Variants in PHACTR4 observed in about 807,000 individuals in gnomAD.
PHACTR4 encodes phosphatase and actin regulator 4.
A neutral mutation model predicts 72.7 loss-of-function variants in PHACTR4; 51 were observed. That is an observed-to-expected ratio of 0.70 (90% CI 0.56 to 0.89). The LOEUF is 0.89. Ranked by LOEUF, PHACTR4 falls within the 40% of genes least tolerant of loss-of-function variation. The pLI is 0.00. For synonymous variants in PHACTR4, 255 were observed against 302.5 expected (o/e 0.84, Z 1.63); for missense variants, 731 against 861.8 (o/e 0.85, Z 1.90).
intron 7 of PHACTR4, among the ~76,000 whole-genome samples, chr1:28,474,358 G>C (rs182336594): frequency 4.8e-4 from 73 of 151,772 alleles, no homozygotes; most frequent in African/African-American, 1.6e-3. Context: ...ACCCTGTCTC[G>C]ATGAAAATAA....
At chr1:28,377,928 T>G in intron 1 of PHACTR4, among the ~76,000 whole-genome samples, 1 of 151,716 alleles carries the variant, frequency 6.6e-6, no homozygotes, top group African/African-American at 2.4e-5. Context: ...CCAGATGTGT[T>G]GGCTCACGCC....
intron 1 of PHACTR4, among the ~76,000 whole-genome samples, chr1:28,400,315 G>A (rs1653849147): frequency 6.6e-6 from 1 of 150,814 alleles, no homozygotes; most frequent in South Asian, 2.1e-4. Context: ...GGAGGTTGCA[G>A]TGAGCCAAGA....
At position 28,438,467 on chromosome 1, in the gene PHACTR4, C is replaced by T. The variant is rs1395631419; in HGVS notation, c.17-20618C>T. 11 of 1,608,638 alleles carry T rather than the reference C, an allele frequency of 6.8e-6. No individual in the cohort carries two copies. The Admixed American group carries it at 8.4e-5, about 12-fold the overall frequency. On this transcript the variant is annotated intron_variant, in intron 2 of 13. Transcript: ENST00000373839. ...AAGGCAGAGAAACAGAAAATCTTGA[C>T]AGAAGCAAGGCAGATTTACAGGTGA...
At chr1:28,387,685 G>A (rs140802394) in intron 1 of PHACTR4, among the ~76,000 whole-genome samples, 310 of 152,134 alleles carry the variant, frequency 2.0e-3, no homozygotes, top group African/African-American at 7.0e-3. Context: ...CTAGGAGTTT[G>A]AGACCAGCCT....
At chr1:28,431,503 A>G (rs544973504) in intron 2 of PHACTR4, among the ~76,000 whole-genome samples, 22 of 151,812 alleles carry the variant, frequency 1.4e-4, no homozygotes, top group African/African-American at 4.8e-4. Flanking sequence ...CTACAATACA[A>G]TTTTTATAGT....
intron 4 of PHACTR4, among the ~76,000 whole-genome samples, chr1:28,464,999 C>T (rs934584650): frequency 1.3e-5 from 2 of 152,036 alleles, no homozygotes; most frequent in Admixed American, 6.6e-5. Flanking sequence ...ACACTGCGCC[C>T]GGCTTTTATT....
At chr1:28,418,572 G>A (rs145046923) in intron 2 of PHACTR4, among the ~76,000 whole-genome samples, 13 of 152,152 alleles carry the variant, frequency 8.5e-5, no homozygotes, top group African/African-American at 2.9e-4. Context: ...ATTACATGTA[G>A]ATTAAATCCA....
intron 2 of PHACTR4, among the ~76,000 whole-genome samples, chr1:28,439,811 T>TA (rs1490665605): frequency 6.6e-6 from 1 of 152,198 alleles, no homozygotes; most frequent in Non-Finnish European, 1.5e-5. Flanking sequence ...TTTTGGGCTG[T>TA]AAATTCTCCT....
intron 2 of PHACTR4, among the ~76,000 whole-genome samples, chr1:28,411,164 A>G (rs1654763336): frequency 6.6e-6 from 1 of 151,678 alleles, no homozygotes; most frequent in Non-Finnish European, 1.5e-5. Flanking sequence ...CTCCTGCCTC[A>G]GCCTCCCAAG....
intron 2 of PHACTR4, among the ~76,000 whole-genome samples, chr1:28,423,216 G>C (rs1310900458): frequency 6.6e-6 from 1 of 152,130 alleles, no homozygotes; most frequent in Non-Finnish European, 1.5e-5. Flanking sequence ...AGGCCTTTCT[G>C]GGGCAACATA....
At chr1:28,439,713 A>G (rs1401996200) in intron 2 of PHACTR4, among the ~76,000 whole-genome samples, 2 of 152,184 alleles carry the variant, frequency 1.3e-5, no homozygotes, top group African/African-American at 4.8e-5. Flanking sequence ...ACCTCACACT[A>G]TCCTTCTCTT....
At chr1:28,403,521 A>G (rs1257251014) in intron 1 of PHACTR4, among the ~76,000 whole-genome samples, 3 of 152,190 alleles carry the variant, frequency 2.0e-5, no homozygotes, top group Non-Finnish European at 4.4e-5. Flanking sequence ...CTACCACAGT[A>G]TACCCTTGTG....
At chr1:28,467,023 G>A (rs777370938) in intron 6 of PHACTR4, 1 of 372,170 alleles carries the variant, frequency 2.7e-6, no homozygotes, top group Non-Finnish European at 4.8e-6. Context: ...GACCATCCTG[G>A]CAACATGGTG....
At chr1:28,450,309 A>G (rs1206716626) in intron 2 of PHACTR4, among the ~76,000 whole-genome samples, 1 of 148,676 alleles carries the variant, frequency 6.7e-6, no homozygotes, top group African/African-American at 2.5e-5. Flanking sequence ...TTTTTCACTC[A>G]TAGAAAACAG....
chr1:28,471,719 T>C (rs1175318248), intron 6 of PHACTR4, among the ~76,000 whole-genome samples: 1 of 152,056 alleles, frequency 6.6e-6, no homozygotes, highest in Non-Finnish European at 1.5e-5. Context: ...TATACTGTCA[T>C]GATACAGGGT....
intron 2 of PHACTR4, among the ~76,000 whole-genome samples, chr1:28,408,670 AT>A (rs202189621): frequency 1.7e-4 from 26 of 149,780 alleles, no homozygotes; most frequent in African/African-American, 3.7e-4. Context: ...ATATATATAT[AT>A]TTTTTTTTAA....
chr1:28,468,453 A>G (rs903152394), intron 6 of PHACTR4, among the ~76,000 whole-genome samples: 2 of 152,062 alleles, frequency 1.3e-5, no homozygotes, highest in African/African-American at 2.4e-5. Flanking sequence ...TTAGCCGGGC[A>G]TGGTGGTAGG....
chr1:28,400,246 G>A (rs889201174), intron 1 of PHACTR4, among the ~76,000 whole-genome samples: 53 of 152,088 alleles, frequency 3.5e-4, no homozygotes, highest in Admixed American at 9.2e-4. Flanking sequence ...CTTGGCGCAC[G>A]CCTGTAATCC....
chr1:28,387,460 A>C (rs1652651261), intron 1 of PHACTR4, among the ~76,000 whole-genome samples: 1 of 152,164 alleles, frequency 6.6e-6, no homozygotes, highest in Non-Finnish European at 1.5e-5. Flanking sequence ...CAATCATAGG[A>C]TATAAAAGGA....
Sources: allele counts gnomAD v4.1 joint callset (sites outside exome capture counted in the v4.1 genomes callset), GRCh38; gene constraint gnomAD v4.1.1; transcripts MANE v1.5; gene names NCBI Gene and HGNC (gene_info 2026-07-23, HGNC 2026-07-21).